SMOC1: variants seen among roughly 807,000 people sequenced by gnomAD.
The protein encoded by SMOC1 is SPARC-related modular calcium-binding protein 1.
SMOC1 carries 22 observed loss-of-function variants against 56.3 expected under a neutral mutation model. The observed-to-expected ratio is 0.39, with a 90% CI of 0.28 to 0.56. SMOC1 has a LOEUF of 0.56. SMOC1 is among the 20% of genes least tolerant of loss of function. SMOC1 has a pLI of 0.61. For synonymous variants in SMOC1, 193 were observed against 215.0 expected (o/e 0.90, Z 0.89); for missense variants, 509 against 565.4 (o/e 0.90, Z 1.01).
chr14:69,961,133 C>T (rs910950848), intron 3 of SMOC1, among the ~76,000 whole-genome samples: 1 of 151,730 alleles, frequency 6.6e-6, no homozygotes, highest in African/African-American at 2.4e-5. Flanking sequence ...TTATTCTGGA[C>T]ATTTCATACA....
chr14:69,915,394 C>T (rs759159166), intron 1 of SMOC1, among the ~76,000 whole-genome samples: 2 of 152,170 alleles, frequency 1.3e-5, no homozygotes, highest in African/African-American at 2.4e-5. Context: ...TGTGCTAGGT[C>T]GTATCTCGTA....
chr14:69,966,932 T>C (rs1184860309), intron 3 of SMOC1, among the ~76,000 whole-genome samples: 2 of 152,216 alleles, frequency 1.3e-5, no homozygotes, highest in African/African-American at 4.8e-5. Flanking sequence ...CATAGGGATT[T>C]ATATATCTTT....
At chr14:70,021,925 G>A (rs1885741580) in intron 10 of SMOC1, among the ~76,000 whole-genome samples, 1 of 152,144 alleles carries the variant, frequency 6.6e-6, no homozygotes, top group Non-Finnish European at 1.5e-5. Flanking sequence ...GTGCAGACAG[G>A]CCTTCGACCC....
intron 3 of SMOC1, among the ~76,000 whole-genome samples, chr14:69,972,495 C>A (rs994933011): frequency 3.3e-5 from 5 of 152,164 alleles, no homozygotes; most frequent in Admixed American, 3.3e-4. Flanking sequence ...GGCAACAATT[C>A]CTCATTTGAT....
At chr14:69,930,750 A>G (rs1237240830) in intron 1 of SMOC1, among the ~76,000 whole-genome samples, 2 of 152,154 alleles carry the variant, frequency 1.3e-5, no homozygotes, top group African/African-American at 4.8e-5. Context: ...CTTCCCAGGC[A>G]AGGACACTCG....
chr14:69,992,546 ATGTT>A (rs1220506719), intron 6 of SMOC1, 73 bp downstream of exon 6: 6 of 1,125,196 alleles, frequency 5.3e-6, no homozygotes, highest in African/African-American at 4.6e-5. Flanking sequence ...TTAACGTTGG[ATGTT>A]TGTTTAAGTT....
intron 5 of SMOC1, among the ~76,000 whole-genome samples, chr14:69,985,536 G>A (rs1247741990): frequency 6.6e-6 from 1 of 152,224 alleles, no homozygotes; most frequent in Non-Finnish European, 1.5e-5. Flanking sequence ...CTGTGGCACA[G>A]TAGTACTGCC....
Position 69,987,066 on chromosome 14 carries a change from C to T in SMOC1, c.527-5351C>T, listed in dbSNP as rs529996433. Reference sequence around the variant, plus strand: ...CTTTTGCAAACAGACACTGTTGTCTCCTTACGATGCCCAGAATGAGTTGTC... The same window carrying T: ...CTTTTGCAAACAGACACTGTTGTCTTCTTACGATGCCCAGAATGAGTTGTC... On this transcript the variant is annotated intron_variant, in intron 5 of 11. Coordinates refer to ENST00000361956, the MANE Select transcript of SMOC1 (RefSeq NM_001034852.3). 3.3e-5 allele frequency among the ~76,000 whole-genome samples: 5 copies of T among 152,292 alleles called. No homozygotes were observed. In the South Asian group the frequency reaches 1.0e-3, roughly 32 times the overall value.
At position 69,941,343 on chromosome 14, in the gene SMOC1, G is replaced by A. The variant is rs542388921; in HGVS notation, c.100-10795G>A. Among the ~76,000 whole-genome samples, 3 of 152,318 alleles carry A rather than the reference G, an allele frequency of 2.0e-5. No homozygotes were observed. In the East Asian group the frequency reaches 5.8e-4, roughly 29 times the overall value. On this transcript the variant is annotated intron_variant, in intron 1 of 11. Transcript: ENST00000361956. ...ACCACCTCTCAGGAGGAGGCAGCGT[G>A]CATGTAGATGCCTAGTGTAGCACTC...
intron 1 of SMOC1, among the ~76,000 whole-genome samples, chr14:69,899,557 T>G (rs1402905245): frequency 1.3e-5 from 2 of 152,212 alleles, no homozygotes; most frequent in Non-Finnish European, 2.9e-5. Context: ...CCTGTAGAAC[T>G]ATGAGCCAAC....
At chr14:70,002,315 C>A (rs1048497518) in intron 7 of SMOC1, among the ~76,000 whole-genome samples, 3 of 152,242 alleles carry the variant, frequency 2.0e-5, no homozygotes, top group African/African-American at 7.2e-5. Context: ...CCCATGCCAA[C>A]AGAAGTGTGA....
intron 1 of SMOC1, among the ~76,000 whole-genome samples, chr14:69,936,445 T>A (rs1300733079): frequency 1.3e-5 from 2 of 152,192 alleles, no homozygotes; most frequent in African/African-American, 2.4e-5. Context: ...GGACACTGAG[T>A]TGTTCTGTGC....
chr14:69,884,699 C>T (rs1382842595), intron 1 of SMOC1, among the ~76,000 whole-genome samples: 3 of 152,086 alleles, frequency 2.0e-5, no homozygotes, highest in Admixed American at 6.6e-5. Flanking sequence ...TTCCTTTCCC[C>T]ATTGTGTGTT....
intron 7 of SMOC1, among the ~76,000 whole-genome samples, chr14:69,997,825 T>G (rs997958463): frequency 6.6e-6 from 1 of 152,162 alleles, no homozygotes; most frequent in Non-Finnish European, 1.5e-5. Context: ...TCATTAGAGT[T>G]TGATGGATGA....
chr14:69,985,970 T>G (rs1367358215), intron 5 of SMOC1, among the ~76,000 whole-genome samples: 3 of 152,228 alleles, frequency 2.0e-5, no homozygotes, highest in Non-Finnish European at 4.4e-5. Flanking sequence ...GGTTCGGTTC[T>G]ATCCGCGGTT....
intron 7 of SMOC1, among the ~76,000 whole-genome samples, chr14:70,000,208 A>G (rs1331461456): frequency 6.6e-6 from 1 of 152,160 alleles, no homozygotes; most frequent in Non-Finnish European, 1.5e-5. Context: ...GGCAACACTC[A>G]TGTTTTGGGG....
At chr14:69,950,190 G>T (rs1169114254) in intron 1 of SMOC1, among the ~76,000 whole-genome samples, 2 of 152,184 alleles carry the variant, frequency 1.3e-5, no homozygotes, top group Non-Finnish European at 2.9e-5. Context: ...CTGTGCAGTG[G>T]TTTCAGCCCT....
At chr14:69,907,621 C>T (rs1040558685) in intron 1 of SMOC1, among the ~76,000 whole-genome samples, 3 of 152,176 alleles carry the variant, frequency 2.0e-5, no homozygotes, top group African/African-American at 4.8e-5. Context: ...AGCCGACATT[C>T]GGTAAGACAG....
intron 5 of SMOC1, among the ~76,000 whole-genome samples, chr14:69,980,967 TC>T (rs1323668519): frequency 6.6e-6 from 1 of 151,958 alleles, no homozygotes; most frequent in Non-Finnish European, 1.5e-5. Flanking sequence ...GGATCGGCTG[TC>T]CCTCCCAGGC....
Sources: gnomAD v4.1 joint callset for allele counts (sites outside exome capture counted in the v4.1 genomes callset) on GRCh38, gnomAD v4.1.1 for gene constraint, MANE v1.5 for transcripts, NCBI Gene and HGNC (gene_info 2026-07-23, HGNC 2026-07-21) for gene names.